The following RBM26 variants were observed in gnomAD, a reference collection of about 807,000 sequenced individuals.
The protein encoded by RBM26 is RNA-binding protein 26.
In RBM26, 30 loss-of-function variants were observed where a neutral mutation model predicts 123.6. The ratio of observed to expected loss-of-function variants is 0.24; its 90% CI spans 0.18 to 0.33. The LOEUF (loss-of-function observed/expected upper bound fraction) is 0.33, where lower values mean the gene tolerates loss of function less well. Ranked by LOEUF, RBM26 falls within the 10% of genes least tolerant of loss-of-function variation. The pLI is 1.00. For missense variants in RBM26, 947 were observed against 1,203.6 expected (o/e 0.79, Z 3.15); for synonymous variants, 400 against 404.4 (o/e 0.99, Z 0.13).
chr13:79,346,836 GA>G (rs2139274978), intron 14 of RBM26, among the ~76,000 whole-genome samples: 1 of 152,230 alleles, frequency 6.6e-6, no homozygotes, highest in African/African-American at 2.4e-5. Context: ...AGGATAAACT[GA>G]AAACAGAGCC....
intron 1 of RBM26, among the ~76,000 whole-genome samples, chr13:79,386,481 G>A (rs1212502366): frequency 6.9e-6 from 1 of 145,560 alleles, no homozygotes; most frequent in Non-Finnish European, 1.5e-5. Flanking sequence ...CAAAACCAAA[G>A]TAAAAGTTTG....
At chr13:79,342,308 C>T (rs188468082) in intron 17 of RBM26, among the ~76,000 whole-genome samples, 47 of 151,856 alleles carry the variant, frequency 3.1e-4, no homozygotes, top group Middle Eastern at 3.4e-3. Flanking sequence ...CCACCGTGTA[C>T]GGTGTTGTCA....
chr13:79,389,132 A>C (rs2077725883), intron 1 of RBM26, among the ~76,000 whole-genome samples: 1 of 152,212 alleles, frequency 6.6e-6, no homozygotes, highest in African/African-American at 2.4e-5. Context: ...CAGAACTCAA[A>C]AGTAGGCTAG....
chr13:79,373,471 TA>T (rs376849853), intron 3 of RBM26, among the ~76,000 whole-genome samples: 292 of 1,256 alleles, frequency 0.23, 15 homozygotes, highest in African/African-American at 0.38. Context: ...ATAATATGTA[TA>T]AATATACAAA....
At chr13:79,361,689 C>A (rs2074705362) in intron 9 of RBM26, among the ~76,000 whole-genome samples, 1 of 152,172 alleles carries the variant, frequency 6.6e-6, no homozygotes. Context: ...GGAATCCCCA[C>A]TCCTTGCTTT....
intron 16 of RBM26, among the ~76,000 whole-genome samples, chr13:79,343,081 A>G (rs978490931): frequency 4.0e-5 from 6 of 151,788 alleles, no homozygotes; most frequent in East Asian, 1.9e-4. Context: ...CTCTCAGAAC[A>G]TAAGTTTGAA....
chr13:79,325,945 ATACT>A (rs1320278207), intron 20 of RBM26, among the ~76,000 whole-genome samples: 2 of 152,172 alleles, frequency 1.3e-5, no homozygotes, highest in African/African-American at 4.8e-5. Context: ...GCCTACACAA[ATACT>A]TACCATTGTG....
intron 21 of RBM26, among the ~76,000 whole-genome samples, chr13:79,321,418 C>T (rs958932200): frequency 6.6e-6 from 1 of 151,374 alleles, no homozygotes; most frequent in African/African-American, 2.4e-5. Flanking sequence ...AAATGAAGTG[C>T]CATTATGAAG....
At chr13:79,367,430 A>AAAAAAAAAAG (rs1555326395) in intron 6 of RBM26, among the ~76,000 whole-genome samples, 2 of 47,140 alleles carry the variant, frequency 4.2e-5, no homozygotes, top group African/African-American at 1.0e-4. Flanking sequence ...AAAAAAAAAA[A>AAAAAAAAAAG]AAGAAGAAGA....
intron 6 of RBM26, 60 bp downstream of exon 6, chr13:79,368,670 C>A: frequency 6.6e-7 from 1 of 1,511,042 alleles, no homozygotes; most frequent in Non-Finnish European, 9.0e-7. Flanking sequence ...AACATAAACA[C>A]AGAATTTAGG....
chr13:79,343,629 C>T (rs1358558071), intron 16 of RBM26, among the ~76,000 whole-genome samples: 1 of 151,592 alleles, frequency 6.6e-6, no homozygotes, highest in South Asian at 2.1e-4. Context: ...AGAAAGAACC[C>T]AAGTCACATA....
At chr13:79,342,969 G>A (rs1226510470) in intron 16 of RBM26, 138 bp from the exon 17 acceptor site, 9 of 542,346 alleles carry the variant, frequency 1.7e-5, no homozygotes, top group Non-Finnish European at 2.5e-5. Flanking sequence ...TAACAACCAT[G>A]AATTATCTAA....
At chr13:79,380,046 T>C (rs576787795) in intron 1 of RBM26, among the ~76,000 whole-genome samples, 1 of 152,274 alleles carries the variant, frequency 6.6e-6, no homozygotes, top group Admixed American at 6.5e-5. Flanking sequence ...AGTAAACTGG[T>C]AGCTGATAGA....
In RBM26 at chr13:79,337,037, T is replaced by G; in HGVS notation, c.2733+65A>C. The G allele has an allele frequency of 2.8e-6, 4 of 1,420,508 alleles. No individual in the cohort carries two copies. In the South Asian group the frequency reaches 4.8e-5, roughly 17 times the overall value. The allele number at this position is 1,420,508 out of a possible 1,614,324, so 88.0% of individuals were successfully genotyped here. On this transcript the variant is annotated intron_variant, in intron 19 of 21. Coordinates refer to ENST00000438737, the MANE Select transcript of RBM26 (RefSeq NM_001366735.2). ...TATGTCCTTTTCATAACTTCCTCTT[T>G]AATTATGTCTACTATCCCCAATGAT...
intron 15 of RBM26, 46 bp from the exon 16 acceptor site, chr13:79,344,368 A>G (rs1472893589): frequency 3.7e-6 from 5 of 1,342,888 alleles, no homozygotes; most frequent in Non-Finnish European, 5.3e-6. Context: ...ACTAAGGATA[A>G]ACAATATTAT....
intron 1 of RBM26, among the ~76,000 whole-genome samples, chr13:79,390,636 T>A (rs1399644782): frequency 6.6e-6 from 1 of 152,174 alleles, no homozygotes; most frequent in Non-Finnish European, 1.5e-5. Flanking sequence ...ATGGTATGCA[T>A]GCTTTAGGGG....
chr13:79,359,429 AATTTT>A (rs2074404434), intron 10 of RBM26, 141 bp downstream of exon 10: 1 of 470,018 alleles, frequency 2.1e-6, no homozygotes, highest in East Asian at 4.0e-5. Flanking sequence ...CTAACTTGCC[AATTTT>A]TAGAAAACTC....
intron 20 of RBM26, among the ~76,000 whole-genome samples, chr13:79,331,297 C>T (rs2069292758): frequency 6.6e-6 from 1 of 151,986 alleles, no homozygotes; most frequent in Admixed American, 6.5e-5. Flanking sequence ...AGCCACTGCG[C>T]CTGGCCCCTC....
intron 1 of RBM26, among the ~76,000 whole-genome samples, chr13:79,381,723 A>T (rs2077085759): frequency 6.6e-6 from 1 of 152,062 alleles, no homozygotes; most frequent in Non-Finnish European, 1.5e-5. Flanking sequence ...ATGGTCTATA[A>T]ACCACAGTTG....
Sources: gnomAD v4.1 joint callset for allele counts (sites outside exome capture counted in the v4.1 genomes callset) on GRCh38, gnomAD v4.1.1 for gene constraint, MANE v1.5 for transcripts, NCBI Gene and HGNC (gene_info 2026-07-23, HGNC 2026-07-21) for gene names.